The following SLC18B1 variants were observed in gnomAD, a reference collection of about 807,000 sequenced individuals.
SLC18B1 encodes MFS-type transporter SLC18B1.
Under a neutral mutation model 53.9 loss-of-function variants are expected in SLC18B1, and 62 were observed. The ratio of observed to expected loss-of-function variants is 1.15; its 90% CI spans 0.94 to 1.42. The LOEUF is 1.42. Among genes scored for constraint, SLC18B1 ranks in the 40% most tolerant of loss-of-function variants. SLC18B1 has a pLI of 0.00. For synonymous variants in SLC18B1, 217 were observed against 200.9 expected (o/e 1.08, Z -0.68); for missense variants, 598 against 547.3 (o/e 1.09, Z -0.93).
chr6:132,783,419 G>A (rs1031478763), intron 6 of SLC18B1, among the ~76,000 whole-genome samples: 39 of 152,132 alleles, frequency 2.6e-4, no homozygotes, highest in African/African-American at 9.2e-4. Flanking sequence ...CAAGTGATCC[G>A]CCAGCCTCAG....
In SLC18B1 at chr6:132,779,251, G is replaced by A. The variant is rs1462453046; in HGVS notation, c.795+17C>T. On this transcript the variant is annotated intron_variant, in intron 7 of 13. Transcript: ENST00000275227. The stretch of plus-strand genomic sequence containing the variant: ...ACCTGCTACAATGCAGCACTCTTCA[G>A]CAATCAGGTAACTTACCTTCTCCAA... 6.2e-7 allele frequency: 1 copy of A among 1,613,062 alleles called. No homozygotes were observed. The highest frequency in any genetic ancestry group is 1.1e-5 in the South Asian group (1 of 91,048).
In SLC18B1 at chr6:132,790,209, C is replaced by T. The variant is rs201650833; in HGVS notation, c.247G>A (p.Glu83Lys). Residue 83 changes from glutamate to lysine, a missense_variant, in exon 3 of 14, where the codon GAG becomes AAG. Transcript: ENST00000275227. ...CCAAATACCAAGGATGCCAGCAACT[C>T]GAACAAAGCAAAACATCCAAAGATC... ...GMIFGCFALF[E>K]LLASLVFGNY... 1.1e-5 allele frequency: 18 copies of T among 1,576,712 alleles called. No individual in the cohort carries two copies. In the African/African-American group the frequency reaches 1.2e-4, roughly 11 times the overall value.
At position 132,798,411 on chromosome 6, in the gene SLC18B1, C is replaced by A; in HGVS notation, c.43+3G>T. 1 of 1,528,450 alleles carries A rather than the reference C, an allele frequency of 6.5e-7. No individual in the cohort carries two copies. The highest frequency in any genetic ancestry group is 8.8e-7 in the Non-Finnish European group (1 of 1,135,638). The allele number at this position is 1,528,450 out of a possible 1,614,324, so 94.7% of individuals were successfully genotyped here. On this transcript the variant is annotated splice_donor_region_variant and intron_variant, in intron 1 of 13. Transcript: ENST00000275227. Reference sequence around the variant, plus strand: ...GGCTCCCGGCCACGCAATTCATGGTCACCTCCTGGTGCGCGTGGTCCCTCC... The same window carrying A: ...GGCTCCCGGCCACGCAATTCATGGTAACCTCCTGGTGCGCGTGGTCCCTCC...
At position 132,780,687 on chromosome 6, in the gene SLC18B1, G is replaced by T. The variant is rs148808533; in HGVS notation, c.659-1283C>A. Among the ~76,000 whole-genome samples the T allele has an allele frequency of 3.0e-4, 43 of 145,042 alleles. No homozygotes were observed. The East Asian group carries it at 7.9e-3, about 27-fold the overall frequency. On this transcript the variant is annotated intron_variant, in intron 6 of 13. Transcript: ENST00000275227. ...AGCGATTCTCCTGCCTCAGCCTCCCGAGTAGCTGGGATTACAGGCACACGC... is the reference window on the plus strand; with the variant it reads ...AGCGATTCTCCTGCCTCAGCCTCCCTAGTAGCTGGGATTACAGGCACACGC...
intron 2 of SLC18B1, among the ~76,000 whole-genome samples, chr6:132,792,328 G>A (rs71574634): frequency 9.2e-6 from 1 of 108,274 alleles, no homozygotes; most frequent in Non-Finnish European, 1.7e-5. Context: ...AGGAAGGAAG[G>A]AAGGAAGGAA....
intron 2 of SLC18B1, among the ~76,000 whole-genome samples, chr6:132,791,997 G>A (rs183569285): frequency 2.2e-4 from 34 of 151,992 alleles, no homozygotes; most frequent in African/African-American, 7.7e-4. Context: ...GGAAGCTCAG[G>A]TGGGAGGATC....
At chr6:132,785,278 A>G (rs1195835979) in intron 5 of SLC18B1, among the ~76,000 whole-genome samples, 1 of 152,174 alleles carries the variant, frequency 6.6e-6, no homozygotes, top group Non-Finnish European at 1.5e-5. Context: ...AGCAACTGTT[A>G]TATGTAGAAT....
intron 1 of SLC18B1, among the ~76,000 whole-genome samples, chr6:132,797,961 C>T (rs1220905601): frequency 6.6e-6 from 1 of 151,932 alleles, no homozygotes; most frequent in Non-Finnish European, 1.5e-5. Flanking sequence ...AATACATTTG[C>T]TTTGCTCTAT....
intron 8 of SLC18B1, among the ~76,000 whole-genome samples, chr6:132,774,780 G>A (rs1042569405): frequency 6.6e-6 from 1 of 151,888 alleles, no homozygotes; most frequent in African/African-American, 2.4e-5. Context: ...GCAGGGTGGT[G>A]GACATCTGTA....
chr6:132,795,676 A>C (rs911979660), intron 2 of SLC18B1, among the ~76,000 whole-genome samples: 1 of 152,204 alleles, frequency 6.6e-6, no homozygotes, highest in African/African-American at 2.4e-5. Context: ...AATAAAACAC[A>C]TGGATATGTT....
At position 132,787,590 on chromosome 6, in the gene SLC18B1, G is replaced by C; in HGVS notation, c.354-9C>G. The stretch of plus-strand genomic sequence containing the variant: ...GAACTCGGTCCAATACACTAAAAAG[G>C]AATAAGACAATTCTGAAATGCCAAG... On this transcript the variant is annotated splice_polypyrimidine_tract_variant and intron_variant, in intron 4 of 13. Coordinates refer to ENST00000275227, the MANE Select transcript of SLC18B1 (RefSeq NM_052831.3). 1 of 1,529,606 alleles carries C rather than the reference G, an allele frequency of 6.5e-7. No individual in the cohort carries two copies. Among genetic ancestry groups the C allele is most frequent in the Admixed American group, 2.4e-5 (1 of 42,272 alleles). 94.8% of individuals were successfully genotyped at this position (1,529,606 alleles called of 1,614,324 possible).
At chr6:132,782,452 T>G (rs1200542648) in intron 6 of SLC18B1, among the ~76,000 whole-genome samples, 1 of 152,172 alleles carries the variant, frequency 6.6e-6, no homozygotes, top group African/African-American at 2.4e-5. Context: ...GTGTCCAATA[T>G]GTTGTTATTA....
intron 9 of SLC18B1, among the ~76,000 whole-genome samples, 200 bp from the exon 10 acceptor site, chr6:132,773,288 G>T (rs531115692): frequency 1.6e-5 from 2 of 128,748 alleles, no homozygotes; most frequent in South Asian, 3.0e-4. Flanking sequence ...GGGGGCGGGG[G>T]GGTGGGGGGG....
At chr6:132,771,457 A>G (rs1780972466) in intron 11 of SLC18B1, among the ~76,000 whole-genome samples, 1 of 152,234 alleles carries the variant, frequency 6.6e-6, no homozygotes, top group African/African-American at 2.4e-5. Flanking sequence ...ATTCAAAACA[A>G]TATATTACAT....
rs367822370 is a variant in SLC18B1 at position 132,797,028 on chromosome 6, C to A, written c.137G>T (p.Gly46Val). The A allele has an allele frequency of 1.9e-6, 3 of 1,613,972 alleles. No individual in the cohort carries two copies. In the African/African-American group the frequency reaches 4.0e-5, roughly 22 times the overall value. ...AAGTATAGAATAGCACATCATGGAA[C>A]CTAAGTTCACCGAAGCTGCCGATAT... is the stretch of plus-strand genomic sequence containing the variant. ...VLISAASVNL[G>V]SMMCYSILGP... Residue 46 changes from glycine to valine, a missense_variant, in exon 2 of 14, where the codon GGT becomes GTT. Physicochemically the swap from Gly to Val is moderately radical, Grantham distance 109. Coordinates refer to ENST00000275227, the MANE Select transcript of SLC18B1 (RefSeq NM_052831.3).
chr6:132,771,046 GC>G lies in SLC18B1; in HGVS notation c.1243del (p.Ala415LeufsTer2). The G allele has an allele frequency of 6.2e-7, 1 of 1,614,040 alleles. No individual in the cohort carries two copies. Among genetic ancestry groups the G allele is most frequent in the Non-Finnish European group, 8.5e-7 (1 of 1,179,970 alleles). On this transcript the variant is annotated frameshift_variant, in exon 12 of 14. Coordinates refer to ENST00000275227, the MANE Select transcript of SLC18B1 (RefSeq NM_052831.3). LOFTEE classifies it high-confidence loss of function. Reference protein sequence around the residue: ...EWAAAIQGLWALISGLAMGLF... With the variant: ...EWAAAIQGLWXLISGLAMGLF... ...AGACTGATTACTCACACTTATCAGA[GC>G]CCATAGACCTTGTATAGCTGCTGCC...
intron 1 of SLC18B1, among the ~76,000 whole-genome samples, chr6:132,797,704 C>T (rs1045011203): frequency 2.0e-5 from 3 of 152,226 alleles, no homozygotes; most frequent in Non-Finnish European, 4.4e-5. Context: ...AGAAAACAAG[C>T]TAAATCATTC....
intron 2 of SLC18B1, among the ~76,000 whole-genome samples, chr6:132,791,006 A>T (rs996061593): frequency 4.6e-5 from 7 of 152,244 alleles, no homozygotes; most frequent in Non-Finnish European, 1.0e-4. Context: ...TGCTACTGTG[A>T]TACACAACTA....
chr6:132,774,200 T>C (rs374514637), intron 9 of SLC18B1, 22 bp downstream of exon 9: 31 of 1,573,188 alleles, frequency 2.0e-5, no homozygotes, highest in Non-Finnish European at 2.7e-5. Context: ...TGGCCAAACA[T>C]ACAGAAGAAG....
Sources: allele counts gnomAD v4.1 joint callset (sites outside exome capture counted in the v4.1 genomes callset), GRCh38; gene constraint gnomAD v4.1.1; transcripts MANE v1.5; gene names NCBI Gene and HGNC (gene_info 2026-07-23, HGNC 2026-07-21).